Variants in CACNA1C observed in about 807,000 individuals in gnomAD.
CACNA1C encodes the protein calcium voltage-gated channel subunit alpha1 C, also known as voltage-dependent L-type calcium channel subunit alpha-1C.
A neutral mutation model predicts 229.0 loss-of-function variants in CACNA1C; 30 were observed. The ratio of observed to expected loss-of-function variants is 0.13; its 90% confidence interval spans 0.10 to 0.18. The LOEUF (loss-of-function observed/expected upper bound fraction) is 0.18, where lower values mean the gene tolerates loss of function less well. CACNA1C is among the 10% of genes least tolerant of loss of function. CACNA1C has a pLI of 1.00. For synonymous variants in CACNA1C, 1,114 were observed against 1,132.5 expected (o/e 0.98, Z 0.33); for missense variants, 1,658 against 2,845.0 (o/e 0.58, Z 9.49).
intron 4 of CACNA1C, among the ~76,000 whole-genome samples, chr12:2,452,143 A>G (rs1301792744): frequency 6.6e-6 from 1 of 152,044 alleles, no homozygotes; most frequent in Non-Finnish European, 1.5e-5. Context: ...GGGGAGCCTA[A>G]CTCACCCTAG....
chr12:2,543,397 C>T (rs1437944296), intron 9 of CACNA1C, among the ~76,000 whole-genome samples: 2 of 152,222 alleles, frequency 1.3e-5, no homozygotes, highest in African/African-American at 4.8e-5. Context: ...TCAGGCTTTC[C>T]ATCTCATCCA....
chr12:2,259,926 C>T (rs1360627652), intron 3 of CACNA1C, among the ~76,000 whole-genome samples: 1 of 151,950 alleles, frequency 6.6e-6, no homozygotes, highest in Non-Finnish European at 1.5e-5. Context: ...ACAGAAAGCA[C>T]TAGTAATAGC....
intron 3 of CACNA1C, among the ~76,000 whole-genome samples, chr12:2,390,811 C>T (rs1353596756): frequency 1.3e-5 from 2 of 152,172 alleles, no homozygotes; most frequent in Non-Finnish European, 2.9e-5. Context: ...CTTCTGGAGG[C>T]ATCATTCATT....
intron 3 of CACNA1C, among the ~76,000 whole-genome samples, chr12:2,140,509 G>A (rs1019936241): frequency 3.3e-5 from 5 of 151,364 alleles, no homozygotes; most frequent in Admixed American, 6.6e-5. Flanking sequence ...AGGCTAGGAG[G>A]CCTCCATCCC....
chr12:2,059,033 A>C (rs926624770), intron 1 of CACNA1C, among the ~76,000 whole-genome samples: 3 of 152,120 alleles, frequency 2.0e-5, no homozygotes, highest in African/African-American at 7.2e-5. Context: ...CAGGAAGGGA[A>C]GTGGATGCAT....
At chr12:2,225,680 G>A (rs1007940023) in intron 3 of CACNA1C, among the ~76,000 whole-genome samples, 1 of 152,176 alleles carries the variant, frequency 6.6e-6, no homozygotes, top group African/African-American at 2.4e-5. Context: ...CTAATACTCA[G>A]ACATTAAGGC....
At chr12:2,625,883 A>G (rs1461285775) in intron 29 of CACNA1C, among the ~76,000 whole-genome samples, 2 of 152,132 alleles carry the variant, frequency 1.3e-5, no homozygotes, top group Non-Finnish European at 2.9e-5. Flanking sequence ...TCTTGTGCCC[A>G]GGAGATGGAG....
intron 3 of CACNA1C, among the ~76,000 whole-genome samples, chr12:2,394,679 A>G (rs2098541831): frequency 6.6e-6 from 1 of 152,186 alleles, no homozygotes; most frequent in Non-Finnish European, 1.5e-5. Context: ...TCAAGTAGGA[A>G]GGGCCCCAGG....
At chr12:2,062,316 G>C (rs2057792298) in intron 1 of CACNA1C, among the ~76,000 whole-genome samples, 1 of 152,152 alleles carries the variant, frequency 6.6e-6, no homozygotes, top group African/African-American at 2.4e-5. Flanking sequence ...CTACCACGTG[G>C]GTTTTAATTA....
chr12:2,525,682 G>T (rs1171076924), intron 9 of CACNA1C, among the ~76,000 whole-genome samples: 1 of 152,174 alleles, frequency 6.6e-6, no homozygotes, highest in Non-Finnish European at 1.5e-5. Context: ...TGCCTCCTGG[G>T]GAAAAAGTCG....
Position 2,230,085 on chromosome 12 carries a change from GGC to G in CACNA1C, c.477+109656_477+109657del, listed in dbSNP as rs1395922007. ...GGTTAGAGGCGGAAGGGGAAGAAGG[GGC>G]CTGGAGAGGTGTGGTTCTCGTGGTG... is the stretch of plus-strand genomic sequence containing the variant. On this transcript the variant is annotated intron_variant, in intron 3 of 46. Transcript: ENST00000399655. Among the ~76,000 whole-genome samples the G allele has an allele frequency of 5.2e-4, 79 of 152,180 alleles. 1 individual carries two copies. Among genetic ancestry groups the G allele is most frequent in the African/African-American group, 1.8e-3 (73 of 41,542 alleles).
rs1019090885 is a variant in CACNA1C, at chr12:2,646,843, C to T, written c.3913-1632C>T. Among the ~76,000 whole-genome samples, 2 of 152,052 alleles carry T rather than the reference C, an allele frequency of 1.3e-5. No homozygotes were observed. The highest frequency in any genetic ancestry group is 2.9e-5 in the Non-Finnish European group (2 of 68,022). On this transcript the variant is annotated intron_variant, in intron 30 of 46. Coordinates refer to ENST00000399655, the MANE Select transcript of CACNA1C (RefSeq NM_000719.7). The surrounding 1 kb of genome is among the most constrained non-coding windows in gnomAD (Gnocchi z 4.6). ...CTATGTTTGTCTCTGTGTTCAATCTCAGTCTGCTAGCCAAATCCTAGGGAC... is the reference window on the plus strand; with the variant it reads ...CTATGTTTGTCTCTGTGTTCAATCTTAGTCTGCTAGCCAAATCCTAGGGAC...
At chr12:2,393,523 A>T (rs2098522920) in intron 3 of CACNA1C, among the ~76,000 whole-genome samples, 1 of 151,424 alleles carries the variant, frequency 6.6e-6, no homozygotes, top group Non-Finnish European at 1.5e-5. Flanking sequence ...GCTTACCCCC[A>T]CTCCTTGCTA....
At chr12:2,126,837 C>T (rs1044960523) in intron 3 of CACNA1C, among the ~76,000 whole-genome samples, 1 of 152,212 alleles carries the variant, frequency 6.6e-6, no homozygotes, top group Non-Finnish European at 1.5e-5. Flanking sequence ...CCAGCACAGG[C>T]GAATGTGTGT....
chr12:2,278,092 A>G (rs1431013700), intron 3 of CACNA1C, among the ~76,000 whole-genome samples: 1 of 152,216 alleles, frequency 6.6e-6, no homozygotes, highest in Non-Finnish European at 1.5e-5. Context: ...TCTGATTTTA[A>G]ATTCCATAGG....
At chr12:2,110,926 C>G (rs984700627) in intron 1 of CACNA1C, among the ~76,000 whole-genome samples, 1 of 152,184 alleles carries the variant, frequency 6.6e-6, no homozygotes, top group African/African-American at 2.4e-5. Flanking sequence ...TGGTCAGTCC[C>G]GAGAGGCCAT....
chr12:2,041,854 T>C (rs2050172146), intron 1 of CACNA1C, among the ~76,000 whole-genome samples: 1 of 152,184 alleles, frequency 6.6e-6, no homozygotes, highest in African/African-American at 2.4e-5. Flanking sequence ...GCCAGGACCT[T>C]ACGGGGCTGC....
intron 1 of CACNA1C, among the ~76,000 whole-genome samples, chr12:2,065,157 T>A (rs555821790): frequency 2.6e-5 from 4 of 152,346 alleles, no homozygotes; most frequent in Non-Finnish European, 5.9e-5. Flanking sequence ...CATATCTGGC[T>A]GCCTGAGACA....
chr12:2,021,555 C>T (rs2046447993), intron 1 of CACNA1C, among the ~76,000 whole-genome samples: 1 of 152,040 alleles, frequency 6.6e-6, no homozygotes, highest in Admixed American at 6.6e-5. Flanking sequence ...TGGTAGGCAC[C>T]TGTAATTCCA....
Sources: gnomAD v4.1 joint callset for allele counts (sites outside exome capture counted in the v4.1 genomes callset) on GRCh38, gnomAD v4.1.1 for gene constraint, Gnocchi (gnomAD v3.1) non-coding constraint, MANE v1.5 for transcripts, NCBI Gene and HGNC (gene_info 2026-07-23, HGNC 2026-07-21) for gene names.